CUBN: variants seen among roughly 807,000 people sequenced by gnomAD.
CUBN encodes cubilin, also known as 460 kDa receptor.
Under a neutral mutation model 405.3 loss-of-function variants are expected in CUBN, and 282 were observed. The observed-to-expected ratio is 0.70, with a 90% CI of 0.63 to 0.77. CUBN has a LOEUF of 0.77. Ranked by LOEUF, CUBN falls within the 30% of genes least tolerant of loss-of-function variation. The pLI is 0.00. For missense variants in CUBN, 4,514 were observed against 4,475.2 expected (o/e 1.01, Z -0.25); for synonymous variants, 1,684 against 1,617.0 (o/e 1.04, Z -0.99).
At chr10:16,884,470 T>C (rs904332994) in intron 56 of CUBN, among the ~76,000 whole-genome samples, 2 of 152,048 alleles carry the variant, frequency 1.3e-5, no homozygotes, top group East Asian at 3.9e-4. Flanking sequence ...CTGTTTAATA[T>C]TTGGGAAAAT....
intron 8 of CUBN, among the ~76,000 whole-genome samples, chr10:17,113,186 A>G (rs1048691251): frequency 6.6e-6 from 1 of 152,022 alleles, no homozygotes; most frequent in African/African-American, 2.4e-5. Context: ...AATCGCTTGA[A>G]CCCAGGAGGT....
At chr10:16,979,543 C>T (rs961701125) in intron 31 of CUBN, among the ~76,000 whole-genome samples, 1 of 152,146 alleles carries the variant, frequency 6.6e-6, no homozygotes, top group East Asian at 1.9e-4. Flanking sequence ...CGCCACACAT[C>T]TACAACCATC....
intron 40 of CUBN, among the ~76,000 whole-genome samples, chr10:16,931,027 T>C (rs1312110054): frequency 1.3e-4 from 20 of 151,022 alleles, no homozygotes; most frequent in Admixed American, 6.0e-4. Flanking sequence ...GAGGCCAAGG[T>C]GGGCAGATCA....
chr10:17,110,821 C>T, intron 9 of CUBN, 98 bp downstream of exon 9: 1 of 1,577,202 alleles, frequency 6.3e-7, no homozygotes, highest in South Asian at 1.1e-5. Context: ...CTGCACTCAG[C>T]CAGAAATCAT....
intron 54 of CUBN, among the ~76,000 whole-genome samples, chr10:16,897,689 C>T (rs935048810): frequency 1.3e-4 from 20 of 152,074 alleles, no homozygotes; most frequent in African/African-American, 2.2e-4. Flanking sequence ...TGGCTTCCTG[C>T]GGGGGCTGCT....
Position 17,068,190 on chromosome 10 carries a change from T to A in CUBN, c.2882A>T (p.His961Leu). The change falls in exon 21 of 67, where the codon CAT (histidine) becomes CTT (leucine). Residue 961 changes from histidine to leucine, a missense_variant. Transcript: ENST00000377833. The part of the protein sequence containing the change: ...VYPHGINCTW[H>L]ILVQPNHLIH... ...CAGGTGATTAGGTTGGACTAATATATGCCAAGTACAGTTGATACCGTGGGG... is the reference window on the plus strand; with the variant it reads ...CAGGTGATTAGGTTGGACTAATATAAGCCAAGTACAGTTGATACCGTGGGG... 1 of 1,613,766 alleles carries A rather than the reference T, an allele frequency of 6.2e-7. No individual in the cohort carries two copies. The highest frequency in any genetic ancestry group is 1.1e-5 in the South Asian group (1 of 91,072).
intron 65 of CUBN, 77 bp downstream of exon 65, chr10:16,831,175 A>T (rs74787946): frequency 1.6e-6 from 2 of 1,277,400 alleles, no homozygotes; most frequent in African/African-American, 2.9e-5. Flanking sequence ...AAAAATATAA[A>T]GTTACTTTGC....
intron 25 of CUBN, 130 bp from the exon 26 acceptor site, chr10:17,044,113 G>A: frequency 4.5e-6 from 1 of 220,250 alleles, no homozygotes; most frequent in Non-Finnish European, 8.1e-6. Flanking sequence ...ATAAATATAT[G>A]TAATTATATA....
rs536919219 is a variant in CUBN at position 17,015,480 on chromosome 10, G to C, written c.4168+4353C>G. Among the ~76,000 whole-genome samples the C allele has an allele frequency of 1.9e-4, 29 of 152,300 alleles. No individual in the cohort carries two copies. The South Asian group carries it at 6.0e-3, about 32-fold the overall frequency. ...AACTGAGGAGGTAGGAGAAATACCT[G>C]GTTACAGGATGTCCCAGGATTCCTT... is the stretch of plus-strand genomic sequence containing the variant. On this transcript the variant is annotated intron_variant, in intron 28 of 66. Coordinates refer to ENST00000377833, the MANE Select transcript of CUBN (RefSeq NM_001081.4).
chr10:16,941,307 G>A (rs147050642), intron 36 of CUBN, among the ~76,000 whole-genome samples: 315 of 152,088 alleles, frequency 2.1e-3, no homozygotes, highest in African/African-American at 7.4e-3. Context: ...CTTATGGAGA[G>A]AGAGGAAAAA....
At chr10:17,068,842 C>T in intron 19 of CUBN, 72 bp from the exon 20 acceptor site, 4 of 1,227,050 alleles carry the variant, frequency 3.3e-6, no homozygotes, top group Non-Finnish European at 4.8e-6. Context: ...ATAATTATTT[C>T]TGAAATGTTT....
At chr10:16,998,138 A>G (rs1369530503) in intron 28 of CUBN, among the ~76,000 whole-genome samples, 1 of 152,082 alleles carries the variant, frequency 6.6e-6, no homozygotes, top group African/African-American at 2.4e-5. Flanking sequence ...GAGAGGAGAG[A>G]GTTGTCCCTG....
At chr10:17,092,276 G>A (rs2131287378) in intron 14 of CUBN, among the ~76,000 whole-genome samples, 1 of 152,248 alleles carries the variant, frequency 6.6e-6, no homozygotes, top group African/African-American at 2.4e-5. Context: ...TATTCATCCT[G>A]AAGGAGTTAC....
rs117030986 is a variant in CUBN, at chr10:17,034,729, T to C, written c.4017+6304A>G. ...AGCTTCTTTTCAGTAGAGACTGCAA[T>C]CTTTTGTAAAGGAAATCTATAAACA... On this transcript the variant is annotated intron_variant, in intron 27 of 66. Coordinates refer to ENST00000377833, the MANE Select transcript of CUBN (RefSeq NM_001081.4). 2.4e-3 allele frequency among the ~76,000 whole-genome samples: 370 copies of C among 152,320 alleles called. 3 individuals are homozygous for C. Among genetic ancestry groups the C allele is most frequent in the Middle Eastern group, 0.017 (5 of 292 alleles).
intron 27 of CUBN, among the ~76,000 whole-genome samples, chr10:17,025,175 C>A (rs1362714710): frequency 1.3e-5 from 2 of 152,066 alleles, no homozygotes; most frequent in African/African-American, 4.8e-5. Context: ...AGTAGAGAAT[C>A]CCCTATTCTT....
chr10:16,871,197 T>G (rs1433247096), intron 58 of CUBN, among the ~76,000 whole-genome samples: 1 of 151,714 alleles, frequency 6.6e-6, no homozygotes, highest in East Asian at 1.9e-4. Flanking sequence ...CTGGCTATTT[T>G]TTTTAATTAC....
intron 21 of CUBN, among the ~76,000 whole-genome samples, chr10:17,066,224 G>A (rs1835611698): frequency 6.6e-6 from 1 of 152,168 alleles, no homozygotes; most frequent in Non-Finnish European, 1.5e-5. Context: ...TGATGATTCA[G>A]CCATGCCATG....
intron 28 of CUBN, among the ~76,000 whole-genome samples, chr10:17,011,212 G>C (rs1834170446): frequency 6.6e-6 from 1 of 152,202 alleles, no homozygotes; most frequent in Admixed American, 6.5e-5. Flanking sequence ...ATTCCTTCTG[G>C]TGGGTTCTTG....
intron 11 of CUBN, 148 bp from the exon 12 acceptor site, chr10:17,104,753 A>G (rs1303857899): frequency 1.5e-5 from 3 of 206,504 alleles, no homozygotes. Flanking sequence ...ATATAATTAT[A>G]TATTTAAAAA....
Sources: allele counts gnomAD v4.1 joint callset (sites outside exome capture counted in the v4.1 genomes callset), GRCh38; gene constraint gnomAD v4.1.1; transcripts MANE v1.5; gene names NCBI Gene and HGNC (gene_info 2026-07-23, HGNC 2026-07-21).